Variants in DRC8 observed in about 807,000 individuals in gnomAD.
DRC8 encodes the protein dynein regulatory complex protein 8.
chr1:245,025,697 C>G, the DRC8 span, among the ~76,000 whole-genome samples: 2 of 152,088 alleles, frequency 1.3e-5, no homozygotes, highest in African/African-American at 2.4e-5. Context: ...TCACTGTGTC[C>G]CCACCCAGAT....
the DRC8 span, among the ~76,000 whole-genome samples, chr1:245,033,798 T>G: frequency 6.6e-6 from 1 of 152,130 alleles, no homozygotes; most frequent in African/African-American, 2.4e-5. Context: ...CTCGGCTCAC[T>G]GTAGCCTCTG....
the DRC8 span, among the ~76,000 whole-genome samples, chr1:245,103,635 G>C: frequency 2.7e-5 from 3 of 112,842 alleles, no homozygotes; most frequent in Non-Finnish European, 5.6e-5. Flanking sequence ...ATGGTCAGGA[G>C]GGGGGACCAG....
the DRC8 span, among the ~76,000 whole-genome samples, chr1:244,989,954 C>T: frequency 1.3e-5 from 2 of 152,240 alleles, no homozygotes; most frequent in Non-Finnish European, 2.9e-5. Context: ...CGAAATCTCT[C>T]TCTGTCCTAC....
At chr1:245,027,594 C>T in the DRC8 span, among the ~76,000 whole-genome samples, 2 of 151,798 alleles carry the variant, frequency 1.3e-5, no homozygotes, top group African/African-American at 2.4e-5. Context: ...CTATCTATTT[C>T]GAATATAAAA....
chr1:245,013,160 C>A, the DRC8 span, among the ~76,000 whole-genome samples: 3,250 of 151,820 alleles, frequency 0.021, 51 homozygotes, highest in African/African-American at 0.038. Context: ...AACAAACAAA[C>A]AAACCACAGT....
the DRC8 span, among the ~76,000 whole-genome samples, chr1:245,090,317 T>C: frequency 6.6e-6 from 1 of 152,226 alleles, no homozygotes; most frequent in Non-Finnish European, 1.5e-5. Flanking sequence ...AGGGGTGGTC[T>C]TTCCTGCCTG....
the DRC8 span, among the ~76,000 whole-genome samples, chr1:245,022,149 C>CTT: frequency 2.2e-4 from 32 of 143,212 alleles, no homozygotes; most frequent in South Asian, 6.7e-4. Flanking sequence ...AAAACACAGA[C>CTT]TTTTTTTTTT....
At chr1:245,011,247 A>G in the DRC8 span, among the ~76,000 whole-genome samples, 70 of 152,330 alleles carry the variant, frequency 4.6e-4, no homozygotes, top group Non-Finnish European at 7.1e-4. Context: ...TCAGCCACCC[A>G]TGAGGACAAG....
chr1:245,026,066 A>T, the DRC8 span, among the ~76,000 whole-genome samples: 1 of 152,194 alleles, frequency 6.6e-6, no homozygotes, highest in Non-Finnish European at 1.5e-5. Context: ...CCCTATCTAT[A>T]GGAGATTTTC....
chr1:245,016,555 A>G, the DRC8 span, among the ~76,000 whole-genome samples: 27 of 152,184 alleles, frequency 1.8e-4, no homozygotes, highest in East Asian at 5.0e-3. Flanking sequence ...TTGCCTTACT[A>G]TGTATTTTAT....
the DRC8 span, among the ~76,000 whole-genome samples, chr1:244,974,162 C>T: frequency 1.4e-4 from 21 of 151,848 alleles, no homozygotes; most frequent in African/African-American, 4.3e-4. Context: ...CTTTCTTTTC[C>T]TTCTGTTTTG....
At chr1:245,085,809 G>A in the DRC8 span, among the ~76,000 whole-genome samples, 149 of 152,330 alleles carry the variant, frequency 9.8e-4, no homozygotes, top group African/African-American at 3.5e-3. Context: ...ACCCAAATAA[G>A]GGCCTGACCT....
At chr1:244,988,382 T>G in the DRC8 span, among the ~76,000 whole-genome samples, 3 of 152,272 alleles carry the variant, frequency 2.0e-5, no homozygotes, top group East Asian at 5.8e-4. Flanking sequence ...TTAGTTATAT[T>G]TATTTTATAA....
At chr1:245,054,428 T>A in the DRC8 span, among the ~76,000 whole-genome samples, 1 of 152,138 alleles carries the variant, frequency 6.6e-6, no homozygotes, top group Non-Finnish European at 1.5e-5. Flanking sequence ...AGAGTGCCCT[T>A]GTCAAAATCA....
the DRC8 span, among the ~76,000 whole-genome samples, chr1:245,101,177 G>T: frequency 6.6e-6 from 1 of 152,182 alleles, no homozygotes; most frequent in Non-Finnish European, 1.5e-5. Flanking sequence ...GAGCCACGGC[G>T]CCTGGCCTGG....
the DRC8 span, chr1:245,081,968 G>A: frequency 4.2e-4 from 330 of 791,710 alleles, 5 homozygotes; most frequent in South Asian, 4.4e-3. Flanking sequence ...CAGGGGTCAC[G>A]CCCAAGTGTG....
the DRC8 span, among the ~76,000 whole-genome samples, chr1:244,988,078 T>G: frequency 9.6e-4 from 147 of 152,350 alleles, 1 homozygote; most frequent in African/African-American, 3.4e-3. Context: ...AATATGTAGT[T>G]TTTTAGTCTT....
chr1:245,003,156 G>T, the DRC8 span, among the ~76,000 whole-genome samples: 1 of 152,160 alleles, frequency 6.6e-6, no homozygotes, highest in African/African-American at 2.4e-5. Context: ...ATATACCATT[G>T]TATGTGTATG....
the DRC8 span, among the ~76,000 whole-genome samples, chr1:244,976,053 G>C: frequency 6.6e-6 from 1 of 151,932 alleles, no homozygotes; most frequent in South Asian, 2.1e-4. Flanking sequence ...GAGATCACCT[G>C]AGGTCAGGAG....
Sources: gnomAD v4.1 joint callset for allele counts (sites outside exome capture counted in the v4.1 genomes callset) on GRCh38, gnomAD v4.1.1 for gene constraint, MANE v1.5 for transcripts, NCBI Gene and HGNC (gene_info 2026-07-23, HGNC 2026-07-21) for gene names.